The following NECAB2 variants were observed in gnomAD, a reference collection of about 807,000 sequenced individuals.
The protein encoded by NECAB2 is N-terminal EF-hand calcium-binding protein 2.
Under a neutral mutation model 51.9 loss-of-function variants are expected in NECAB2, and 68 were observed. That is an observed-to-expected ratio of 1.31 (90% CI 1.08 to 1.60). NECAB2 has a LOEUF of 1.60. NECAB2 is among the 40% of genes most tolerant of loss of function. NECAB2 has a pLI of 0.00. For missense variants in NECAB2, 854 were observed against 490.3 expected (o/e 1.74, Z -7.00); for synonymous variants, 329 against 203.5 (o/e 1.62, Z -5.25).
chr16:83,974,638 C>A (rs951962457), intron 2 of NECAB2, among the ~76,000 whole-genome samples: 1 of 152,200 alleles, frequency 6.6e-6, no homozygotes, highest in Non-Finnish European at 1.5e-5. Context: ...ATGACGAAAA[C>A]AAGGCTCGGA....
chr16:83,994,885 C>G (rs1308305349), intron 8 of NECAB2, among the ~76,000 whole-genome samples, 197 bp downstream of exon 8: 1 of 152,090 alleles, frequency 6.6e-6, no homozygotes, highest in Non-Finnish European at 1.5e-5. Context: ...GTTGTTCAGG[C>G]CCAAGGAGGG....
At chr16:84,000,651 AC>A (rs1567681071) in intron 10 of NECAB2, 72 bp from the exon 11 acceptor site, 2 of 1,358,612 alleles carry the variant, frequency 1.5e-6, no homozygotes, top group Admixed American at 3.5e-5. Context: ...GTCTCAGGCC[AC>A]CCCAGGGGAA....
chr16:83,998,256 G>A lies in NECAB2; in HGVS notation c.901G>A (p.Glu301Lys), dbSNP rs772705543. Residue 301 changes from glutamate (E) to lysine (K), a missense_variant, in exon 10 of 13, where the codon GAG (glutamate) becomes AAG (lysine). Physicochemically the swap from Glu to Lys is moderately conservative, Grantham distance 56 (BLOSUM62 1). Coordinates refer to ENST00000305202, the MANE Select transcript of NECAB2 (RefSeq NM_019065.3). ...GGCCGTGTGCCCCGAGCAACTGAGC[G>A]AGTTTCTGGACTCTCTGCGCCAGTA... ...EMAVCPEQLS[E>K]FLDSLRQYLR... 63 of 1,612,986 alleles carry A rather than the reference G, an allele frequency of 3.9e-5. No homozygotes were observed. Among genetic ancestry groups the A allele is most frequent in the East Asian group, 2.5e-4 (11 of 44,874 alleles).
chr16:83,973,095 G>T (rs143669030), intron 2 of NECAB2, among the ~76,000 whole-genome samples: 2 of 152,184 alleles, frequency 1.3e-5, no homozygotes, highest in East Asian at 1.9e-4. Context: ...AGAGAATCGC[G>T]TGCTCCCGGT....
intron 2 of NECAB2, among the ~76,000 whole-genome samples, chr16:83,973,364 G>A (rs1342289367): frequency 1.3e-5 from 2 of 152,178 alleles, no homozygotes; most frequent in South Asian, 2.1e-4. Context: ...GGCATGGTGG[G>A]AGGGCAGGTG....
intron 9 of NECAB2, 68 bp from the exon 10 acceptor site, chr16:83,998,137 G>T: frequency 1.4e-6 from 2 of 1,399,580 alleles, no homozygotes; most frequent in Non-Finnish European, 2.0e-6. Context: ...GGTCATGGGG[G>T]CCTGATGGGG....
At chr16:83,977,440 C>T (rs1027657989) in intron 2 of NECAB2, among the ~76,000 whole-genome samples, 72 of 152,128 alleles carry the variant, frequency 4.7e-4, no homozygotes, top group African/African-American at 1.6e-3. Context: ...GCCACCTCCC[C>T]TGGTGGCCCA....
chr16:83,992,788 A>G (rs1421963168), intron 6 of NECAB2, among the ~76,000 whole-genome samples: 1 of 152,208 alleles, frequency 6.6e-6, no homozygotes, highest in Non-Finnish European at 1.5e-5. Flanking sequence ...TGGAGCCCAG[A>G]ACTCTGCACA....
intron 1 of NECAB2, chr16:83,971,861 C>G (rs905941840): frequency 1.7e-6 from 1 of 572,286 alleles, no homozygotes; most frequent in Non-Finnish European, 3.1e-6. Context: ...TGGACCTACA[C>G]CTGCAGGGAT....
chr16:83,997,384 A>G, intron 9 of NECAB2, 115 bp downstream of exon 9: 1 of 1,214,848 alleles, frequency 8.2e-7, no homozygotes, highest in Non-Finnish European at 1.1e-6. Context: ...GACCACCAGG[A>G]GGGGAGATGT....
chr16:84,000,020 G>C (rs935945896), intron 10 of NECAB2, among the ~76,000 whole-genome samples: 1 of 151,618 alleles, frequency 6.6e-6, no homozygotes, highest in Non-Finnish European at 1.5e-5. Flanking sequence ...CTGCATCGCT[G>C]GGATTACAGG....
At chr16:83,975,268 G>A (rs1484717912) in intron 2 of NECAB2, among the ~76,000 whole-genome samples, 2 of 144,826 alleles carry the variant, frequency 1.4e-5, no homozygotes, top group Non-Finnish European at 3.0e-5. Flanking sequence ...GCAGGGAGGC[G>A]TGGGTGCGGG....
chr16:83,987,625 A>C (rs553775536), intron 5 of NECAB2, among the ~76,000 whole-genome samples: 1 of 152,070 alleles, frequency 6.6e-6, no homozygotes, highest in Non-Finnish European at 1.5e-5. Context: ...CATTTTCCCT[A>C]TGTTACTAAA....
intron 5 of NECAB2, among the ~76,000 whole-genome samples, chr16:83,983,272 G>A (rs991938104): frequency 7.2e-5 from 11 of 152,144 alleles, no homozygotes; most frequent in African/African-American, 4.8e-5. Flanking sequence ...TCGTCAAGCC[G>A]CAGCATCAGT....
chr16:83,989,315 T>G (rs977085614), intron 5 of NECAB2, among the ~76,000 whole-genome samples: 1 of 152,202 alleles, frequency 6.6e-6, no homozygotes, highest in African/African-American at 2.4e-5. Flanking sequence ...CAGACCCTGG[T>G]CTGGCTGTCG....
chr16:83,978,580 G>C (rs2084446547), intron 3 of NECAB2, 28 bp downstream of exon 3: 7 of 1,573,220 alleles, frequency 4.4e-6, no homozygotes, highest in Non-Finnish European at 6.1e-6. Flanking sequence ...CTGGCAGAGT[G>C]GGGGTGTGTG....
At chr16:83,978,705 G>A (rs1313232672) in intron 3 of NECAB2, among the ~76,000 whole-genome samples, 153 bp downstream of exon 3, 1 of 151,976 alleles carries the variant, frequency 6.6e-6, no homozygotes, top group African/African-American at 2.4e-5. Flanking sequence ...TTCACTGCCT[G>A]GGGTGAATGG....
intron 6 of NECAB2, among the ~76,000 whole-genome samples, chr16:83,991,780 G>C (rs1026202829): frequency 6.6e-6 from 1 of 150,524 alleles, no homozygotes; most frequent in African/African-American, 2.4e-5. Context: ...CCAAGGAGCT[G>C]GGACTACAGG....
At chr16:83,973,316 C>T (rs1352198848) in intron 2 of NECAB2, among the ~76,000 whole-genome samples, 2 of 152,150 alleles carry the variant, frequency 1.3e-5, no homozygotes, top group Non-Finnish European at 2.9e-5. Flanking sequence ...TTGACGGCTC[C>T]CACCCAGGGC....
Sources: allele counts gnomAD v4.1 joint callset (sites outside exome capture counted in the v4.1 genomes callset), GRCh38; gene constraint gnomAD v4.1.1; transcripts MANE v1.5; gene names NCBI Gene and HGNC (gene_info 2026-07-23, HGNC 2026-07-21).